NOTCH2: variants seen among roughly 807,000 people sequenced by gnomAD.
NOTCH2 encodes the protein notch receptor 2, also known as neurogenic locus notch homolog protein 2.
Under a neutral mutation model 235.8 loss-of-function variants are expected in NOTCH2, and 29 were observed. That is an observed-to-expected ratio of 0.12 (90% CI 0.09 to 0.17). NOTCH2 has a LOEUF of 0.17. NOTCH2 is among the 10% of genes least tolerant of loss of function. The pLI is 1.00. For missense variants in NOTCH2, 2,285 were observed against 3,150.2 expected (o/e 0.73, Z 6.57); for synonymous variants, 1,086 against 1,141.5 (o/e 0.95, Z 0.98).
intron 3 of NOTCH2, among the ~76,000 whole-genome samples, chr1:120,002,228 G>T (rs1268450892): frequency 3.3e-5 from 5 of 150,802 alleles, no homozygotes; most frequent in Non-Finnish European, 7.4e-5. Flanking sequence ...TAAACTGGTA[G>T]TTAAGATTGC....
intron 31 of NOTCH2, among the ~76,000 whole-genome samples, 167 bp downstream of exon 31, chr1:119,919,145 C>T (rs1389856950): frequency 1.3e-5 from 2 of 152,224 alleles, no homozygotes; most frequent in East Asian, 1.9e-4. Flanking sequence ...GGTCAATTTG[C>T]CTGCCTCCCT....
In NOTCH2 at chr1:119,963,634, C is replaced by T. The variant is rs782493871; in HGVS notation, c.1855G>A (p.Asp619Asn). ...TTGACCAGGTCAATGCAGCGACCATCGTTCAGGCAAGGGCTGCTGTAACAT... is the reference window on the plus strand; with the variant it reads ...TTGACCAGGTCAATGCAGCGACCATTGTTCAGGCAAGGGCTGCTGTAACAT... ...DECYSSPCLN[D>N]GRCIDLVNGY... is the part of the protein sequence containing the mutation. Residue 619 changes from aspartate to asparagine, a missense_variant, in exon 11 of 34, where the codon GAT (aspartate) becomes AAT (asparagine). This residue lies in a region of NOTCH2 where 431 missense variants were observed against 757.8 expected (regional missense o/e 0.57). Coordinates refer to ENST00000256646, the MANE Select transcript of NOTCH2 (RefSeq NM_024408.4). The T allele has an allele frequency of 2.5e-6, 4 of 1,614,154 alleles. No individual in the cohort carries two copies. The highest frequency in any genetic ancestry group is 2.5e-6 in the Non-Finnish European group (3 of 1,179,990).
intron 1 of NOTCH2, among the ~76,000 whole-genome samples, chr1:120,037,980 A>G (rs1313464400): frequency 1.3e-5 from 2 of 152,184 alleles, no homozygotes; most frequent in Non-Finnish European, 2.9e-5. Context: ...GTTAGCTGAT[A>G]AATCTAGAAT....
chr1:120,038,112 T>C (rs1435959901), intron 1 of NOTCH2, among the ~76,000 whole-genome samples: 97 of 152,174 alleles, frequency 6.4e-4, no homozygotes, highest in Admixed American at 7.2e-4. Context: ...TAGTTTTTCC[T>C]TTTATTTTTC....
intron 24 of NOTCH2, 73 bp from the exon 25 acceptor site, chr1:119,925,883 G>C: frequency 6.5e-7 from 1 of 1,543,214 alleles, no homozygotes; most frequent in Non-Finnish European, 8.9e-7. Flanking sequence ...GAGGTTTCTA[G>C]AAAACCTCCA....
At chr1:120,011,785 G>A (rs1206507251) in intron 2 of NOTCH2, among the ~76,000 whole-genome samples, 7 of 152,026 alleles carry the variant, frequency 4.6e-5, no homozygotes, top group African/African-American at 1.7e-4. Context: ...GGGAGACCGA[G>A]GCAGGCAGAT....
rs1218082196 is a variant in NOTCH2 at position 119,963,881 on chromosome 1, C to G, written c.1682-74G>C. ...CCACACCAGAACACAAGTGTAGCTA[C>G]ATCCATTTACTCTACACATTCGATG... On this transcript the variant is annotated intron_variant, in intron 10 of 33. Coordinates refer to ENST00000256646, the MANE Select transcript of NOTCH2 (RefSeq NM_024408.4). 6 of 1,250,320 alleles carry G rather than the reference C, an allele frequency of 4.8e-6. No individual in the cohort carries two copies. The Admixed American group carries it at 8.5e-5, about 18-fold the overall frequency. 77.5% of individuals were successfully genotyped at this position (1,250,320 alleles called of 1,614,324 possible).
chr1:120,051,217 T>C (rs1654974881), intron 1 of NOTCH2, among the ~76,000 whole-genome samples: 1 of 69,832 alleles, frequency 1.4e-5, no homozygotes, highest in Non-Finnish European at 2.3e-5. Context: ...CCAAGGTCTA[T>C]TCCTCCTCCC....
chr1:120,000,125 G>C (rs1413695463), intron 3 of NOTCH2, among the ~76,000 whole-genome samples: 3 of 152,064 alleles, frequency 2.0e-5, no homozygotes, highest in Non-Finnish European at 2.9e-5. Context: ...CTTCATCTCT[G>C]AGTGGAGATG....
At chr1:119,917,016 A>C (rs1054407134) in intron 33 of NOTCH2, among the ~76,000 whole-genome samples, 1 of 151,890 alleles carries the variant, frequency 6.6e-6, no homozygotes, top group Admixed American at 6.5e-5. Context: ...TACTGAGCTT[A>C]TCAAAATAAG....
At chr1:120,002,034 G>C (rs1652777651) in intron 3 of NOTCH2, among the ~76,000 whole-genome samples, 1 of 152,196 alleles carries the variant, frequency 6.6e-6, no homozygotes, top group African/African-American at 2.4e-5. Flanking sequence ...TTCTCCCATA[G>C]CCAGGATTCA....
chr1:119,980,411 T>C (rs587694367), intron 5 of NOTCH2, among the ~76,000 whole-genome samples: 70 of 152,276 alleles, frequency 4.6e-4, no homozygotes, highest in Admixed American at 1.2e-3. Context: ...GTCAATGAGA[T>C]GAATAAAGTT....
chr1:119,948,452 C>T lies in NOTCH2; in HGVS notation c.2714G>A (p.Gly905Asp). 6.2e-7 allele frequency: 1 copy of T among 1,614,214 alleles called. No homozygotes were observed. The highest frequency in any genetic ancestry group is 2.2e-5 in the East Asian group (1 of 44,886). Residue 905 changes from glycine to aspartate, a missense_variant, in exon 17 of 34, where the codon GGT becomes GAT. Gly to Asp is a moderately conservative substitution (Grantham distance 94, BLOSUM62 -1). Coordinates refer to ENST00000256646, the MANE Select transcript of NOTCH2 (RefSeq NM_024408.4). ...YMCECPPGFS[G>D]MDCEEDIDDC... is the part of the protein sequence containing the mutation. ...ATCAATGTCCTCCTCACAGTCCATA[C>T]CACTGAAGCCTGGTGGACATTCACA...
At chr1:119,945,446 G>A (rs1553196939) in intron 17 of NOTCH2, among the ~76,000 whole-genome samples, 1 of 151,848 alleles carries the variant, frequency 6.6e-6, no homozygotes, top group Non-Finnish European at 1.5e-5. Context: ...CATCATACTG[G>A]AGAAAAAAAG....
rs893877808 is a variant in NOTCH2, at chr1:119,923,955, T to C, written c.4541A>G (p.Lys1514Arg). 10 of 1,614,022 alleles carry C rather than the reference T, an allele frequency of 6.2e-6. No individual in the cohort carries two copies. In the African/African-American group the frequency reaches 8.0e-5, roughly 13 times the overall value. ...KYDKYCADHF[K>R]DNHCDQGCNS... is the part of the protein sequence containing the mutation. ...GCACCCCTGGTCACAGTGGTTGTCT[T>C]TGAAGTGGTCTGCACAGTATTTGTC... Residue 1514 changes from lysine (K) to arginine (R), a missense_variant, in exon 26 of 34, where the codon AAA becomes AGA. Lys to Arg is a conservative substitution (Grantham distance 26, BLOSUM62 2). Transcript: ENST00000256646.
chr1:119,995,953 G>C (rs1652429947), intron 4 of NOTCH2: 1 of 152,366 alleles, frequency 6.6e-6, no homozygotes, highest in Admixed American at 6.5e-5. Flanking sequence ...CACAATACCA[G>C]AATCTAAGAT....
chr1:119,920,759 G>A (rs1300089297), intron 29 of NOTCH2, among the ~76,000 whole-genome samples: 2 of 152,196 alleles, frequency 1.3e-5, no homozygotes, highest in Non-Finnish European at 1.5e-5. Flanking sequence ...AACTGATCAT[G>A]TGTTAAATGC....
rs1385687105 is a variant in NOTCH2 at position 119,922,788 on chromosome 1, G to A, written c.4860-10C>T. ...CAGAAAGACTTTAGAGCTGTGGGAT[G>A]CCAAGGGAGAAGCGGAGGAGGAGAG... On this transcript the variant is annotated splice_polypyrimidine_tract_variant and intron_variant, in intron 26 of 33. Coordinates refer to ENST00000256646, the MANE Select transcript of NOTCH2 (RefSeq NM_024408.4). The A allele has an allele frequency of 5.6e-6, 9 of 1,613,972 alleles. No individual in the cohort carries two copies. Among genetic ancestry groups the A allele is most frequent in the Non-Finnish European group, 7.6e-6 (9 of 1,180,052 alleles).
At chr1:119,933,484 A>G (rs1649736971) in intron 22 of NOTCH2, among the ~76,000 whole-genome samples, 1 of 152,286 alleles carries the variant, frequency 6.6e-6, no homozygotes, top group African/African-American at 2.4e-5. Context: ...ACCTACATAC[A>G]TCATAATCAA....
Sources: gnomAD v4.1 joint callset for allele counts (sites outside exome capture counted in the v4.1 genomes callset) on GRCh38, gnomAD v4.1.1 for gene constraint, gnomAD v4.1.1 regional missense constraint, MANE v1.5 for transcripts, NCBI Gene and HGNC (gene_info 2026-07-23, HGNC 2026-07-21) for gene names.